SMAD3: variants seen among roughly 807,000 people sequenced by gnomAD.
SMAD3 encodes the protein SMAD family member 3.
In SMAD3, 12 loss-of-function variants were observed where a neutral mutation model predicts 51.8. That is an observed-to-expected ratio of 0.23 (90% CI 0.15 to 0.38). SMAD3 has a LOEUF of 0.38. Among genes scored for constraint, SMAD3 ranks in the 10% least tolerant of loss-of-function variants. The pLI is 1.00. For missense variants in SMAD3, 294 were observed against 565.6 expected (o/e 0.52, Z 4.87); for synonymous variants, 238 against 227.7 (o/e 1.05, Z -0.41).
intron 1 of SMAD3, among the ~76,000 whole-genome samples, chr15:67,109,408 G>C (rs11071933): frequency 0.52 from 78,385 of 151,882 alleles, 23,206 homozygotes; most frequent in Non-Finnish European, 0.68. Flanking sequence ...GGTCAGAGTG[G>C]ACCTCGTGGC....
At position 67,193,264 on chromosome 15, in the gene SMAD3, T is replaced by C. The variant is rs1483073333; in HGVS notation, c.*2728T>C. 2 of 233,270 alleles carry C rather than the reference T, an allele frequency of 8.6e-6. No homozygotes were observed. The highest frequency in any genetic ancestry group is 2.2e-5 in the African/African-American group (1 of 45,330). The allele number at this position is 233,270 out of a possible 1,614,324, so 14.5% of individuals were successfully genotyped here. On this transcript the variant is annotated 3_prime_UTR_variant, in exon 9 of 9. Coordinates refer to ENST00000327367, the MANE Select transcript of SMAD3 (RefSeq NM_005902.4). ...GACTGGATAGCAGTTTTAAGTGGCGTTCACCTAGTCAACACGACCGCGTGT... is the reference window on the plus strand; with the variant it reads ...GACTGGATAGCAGTTTTAAGTGGCGCTCACCTAGTCAACACGACCGCGTGT...
intron 1 of SMAD3, among the ~76,000 whole-genome samples, chr15:67,077,219 CTGTA>C (rs563181664): frequency 1.3e-5 from 2 of 151,706 alleles, no homozygotes; most frequent in South Asian, 2.1e-4. Context: ...GCAGGCATTT[CTGTA>C]TGTATGTATG....
intron 1 of SMAD3, among the ~76,000 whole-genome samples, chr15:67,097,839 C>G (rs1960648660): frequency 6.6e-6 from 1 of 152,108 alleles, no homozygotes; most frequent in Non-Finnish European, 1.5e-5. Flanking sequence ...GTCTAACTTC[C>G]AAGATTCTGT....
chr15:67,151,530 A>C (rs1338204786), intron 1 of SMAD3, among the ~76,000 whole-genome samples: 1 of 152,072 alleles, frequency 6.6e-6, no homozygotes, highest in Non-Finnish European at 1.5e-5. Context: ...ACAGGGTTTC[A>C]CTATGTTGGC....
intron 1 of SMAD3, among the ~76,000 whole-genome samples, chr15:67,140,580 C>T (rs909292719): frequency 2.6e-5 from 4 of 152,136 alleles, no homozygotes; most frequent in African/African-American, 4.8e-5. Context: ...GGTCTAGAGC[C>T]GGCAGAGACT....
chr15:67,081,144 G>T (rs1017554958), intron 1 of SMAD3, among the ~76,000 whole-genome samples: 63 of 152,190 alleles, frequency 4.1e-4, no homozygotes, highest in African/African-American at 1.5e-3. Flanking sequence ...GCTCAGCTGG[G>T]TCTTATAAAT....
chr15:67,173,486 T>A (rs889369945), intron 5 of SMAD3, among the ~76,000 whole-genome samples: 2 of 152,128 alleles, frequency 1.3e-5, no homozygotes, highest in Non-Finnish European at 2.9e-5. Context: ...AAGGGCATTA[T>A]GTGGTCTGAG....
intron 5 of SMAD3, 125 bp from the exon 6 acceptor site, chr15:67,181,116 G>A (rs1963040571): frequency 1.3e-6 from 1 of 761,366 alleles, no homozygotes; most frequent in Non-Finnish European, 2.3e-6. Context: ...AAAGGCATGG[G>A]GTAGGGAGAT....
chr15:67,150,426 G>A (rs572442572), intron 1 of SMAD3, among the ~76,000 whole-genome samples: 1 of 152,078 alleles, frequency 6.6e-6, no homozygotes, highest in Non-Finnish European at 1.5e-5. Context: ...AGTTATCATC[G>A]CCTGGTTCCA....
Position 67,193,258 on chromosome 15 carries a change from G to A in SMAD3, c.*2722G>A, listed in dbSNP as rs1963410676. 1 of 233,340 alleles carries A rather than the reference G, an allele frequency of 4.3e-6. No homozygotes were observed. Among genetic ancestry groups the A allele is most frequent in the African/African-American group, 2.2e-5 (1 of 45,362 alleles). 14.5% of individuals were successfully genotyped at this position (233,340 alleles called of 1,614,324 possible). ...GCTGGTGACTGGATAGCAGTTTTAA[G>A]TGGCGTTCACCTAGTCAACACGACC... is the stretch of plus-strand genomic sequence containing the variant. On this transcript the variant is annotated 3_prime_UTR_variant, in exon 9 of 9. Coordinates refer to ENST00000327367, the MANE Select transcript of SMAD3 (RefSeq NM_005902.4).
chr15:67,092,733 T>C (rs971597776), intron 1 of SMAD3, among the ~76,000 whole-genome samples: 7 of 152,206 alleles, frequency 4.6e-5, no homozygotes, highest in African/African-American at 1.7e-4. Context: ...CTGTGCCCCT[T>C]TAGGCCCAAG....
intron 1 of SMAD3, among the ~76,000 whole-genome samples, chr15:67,068,607 T>C (rs2140191693): frequency 6.6e-6 from 1 of 152,382 alleles, no homozygotes; most frequent in Middle Eastern, 3.4e-3. Context: ...ATCTTCTGCC[T>C]GCCTGGATAG....
intron 7 of SMAD3, chr15:67,187,025 G>A (rs979598658): frequency 1.0e-5 from 5 of 493,034 alleles, no homozygotes; most frequent in Non-Finnish European, 1.6e-5. Flanking sequence ...CCAAGGAAAG[G>A]CCCCCCTCTC....
At chr15:67,163,791 T>C (rs1019757307) in intron 1 of SMAD3, among the ~76,000 whole-genome samples, 2 of 151,916 alleles carry the variant, frequency 1.3e-5, no homozygotes, top group African/African-American at 2.4e-5. Context: ...TGGCCAATTG[T>C]AAGTAGGCAC....
intron 1 of SMAD3, among the ~76,000 whole-genome samples, chr15:67,158,215 G>A (rs978199649): frequency 6.6e-6 from 1 of 152,214 alleles, no homozygotes; most frequent in African/African-American, 2.4e-5. Flanking sequence ...TATAAGGCCT[G>A]GGAGAGTGTG....
chr15:67,100,255 G>A (rs894183694), intron 1 of SMAD3, among the ~76,000 whole-genome samples: 1 of 149,826 alleles, frequency 6.7e-6, no homozygotes, highest in East Asian at 2.0e-4. Flanking sequence ...GTGCTGAGTT[G>A]AAGAATTCAG....
chr15:67,193,578 C>T lies in SMAD3; in HGVS notation c.*3042C>T, dbSNP rs953564323. ...CCTTCCTGGCAGGCTGTAGACCTGA[C>T]ATTTTGAGACAAGCCTAGAGGAGTC... On this transcript the variant is annotated 3_prime_UTR_variant, in exon 9 of 9. Coordinates refer to ENST00000327367, the MANE Select transcript of SMAD3 (RefSeq NM_005902.4). The T allele has an allele frequency of 1.3e-4, 22 of 173,186 alleles. 1 individual carries two copies. Among genetic ancestry groups the T allele is most frequent in the African/African-American group, 7.2e-4 (21 of 28,980 alleles). 10.7% of individuals were successfully genotyped at this position (173,186 alleles called of 1,614,324 possible).
At chr15:67,187,805 G>A (rs1466777869) in intron 8 of SMAD3, among the ~76,000 whole-genome samples, 1 of 152,218 alleles carries the variant, frequency 6.6e-6, no homozygotes, top group African/African-American at 2.4e-5. Flanking sequence ...CCGTACAGAT[G>A]AGAGAACTAA....
chr15:67,082,442 A>C (rs184799177), intron 1 of SMAD3, among the ~76,000 whole-genome samples: 140 of 152,308 alleles, frequency 9.2e-4, no homozygotes, highest in African/African-American at 3.3e-3. Flanking sequence ...CAGCGCTGAG[A>C]GCCTCCTCCC....
Sources: gnomAD v4.1 joint callset for allele counts (sites outside exome capture counted in the v4.1 genomes callset) on GRCh38, gnomAD v4.1.1 for gene constraint, MANE v1.5 for transcripts, NCBI Gene and HGNC (gene_info 2026-07-23, HGNC 2026-07-21) for gene names.